RBFOX1: variants seen among roughly 807,000 people sequenced by gnomAD.
RBFOX1 encodes the protein RNA binding protein fox-1 homolog 1.
Under a neutral mutation model 57.7 loss-of-function variants are expected in RBFOX1, and 8 were observed. The ratio of observed to expected loss-of-function variants is 0.14; its 90% CI spans 0.08 to 0.25. The LOEUF (loss-of-function observed/expected upper bound fraction) is 0.25. Ranked by LOEUF, RBFOX1 falls within the 10% of genes least tolerant of loss-of-function variation. The pLI, the probability that RBFOX1 is intolerant of heterozygous loss-of-function variation, is 1.00. For synonymous variants in RBFOX1, 326 were observed against 222.4 expected, an observed-to-expected ratio of 1.47 and a Z score of -4.15; for missense variants, 611 against 548.5, an observed-to-expected ratio of 1.11 and a Z score of -1.14.
At chr16:6,045,046 T>C (rs1234860286) in intron 1 of RBFOX1, among the ~76,000 whole-genome samples, 2 of 152,186 alleles carry the variant, frequency 1.3e-5, no homozygotes, top group Non-Finnish European at 2.9e-5. Context: ...TCTGATTTGA[T>C]TGGTCTTGGA....
intron 2 of RBFOX1, among the ~76,000 whole-genome samples, chr16:6,428,664 A>G (rs375717450): frequency 6.6e-6 from 1 of 152,188 alleles, no homozygotes; most frequent in Non-Finnish European, 1.5e-5. Context: ...TGCTGTTACT[A>G]TTATCTAAAA....
chr16:7,281,110 C>T (rs532208571), intron 4 of RBFOX1, among the ~76,000 whole-genome samples: 120 of 151,842 alleles, frequency 7.9e-4, no homozygotes, highest in East Asian at 2.7e-3. Flanking sequence ...TCAAGCAACT[C>T]TCCTGCCTCA....
chr16:6,924,560 G>A (rs1432391085), intron 3 of RBFOX1, among the ~76,000 whole-genome samples: 1 of 151,972 alleles, frequency 6.6e-6, no homozygotes, highest in East Asian at 1.9e-4. Flanking sequence ...GATTTAGAGA[G>A]GACACATATC....
intron 3 of RBFOX1, among the ~76,000 whole-genome samples, chr16:7,003,758 A>T (rs959003386): frequency 6.6e-6 from 1 of 152,172 alleles, no homozygotes; most frequent in African/African-American, 2.4e-5. Flanking sequence ...CATGATATGC[A>T]CATCAAGTCT....
intron 2 of RBFOX1, among the ~76,000 whole-genome samples, chr16:5,484,633 C>T (rs750218154): frequency 6.6e-6 from 1 of 152,060 alleles, no homozygotes; most frequent in African/African-American, 2.4e-5. Flanking sequence ...TTTAAAATGG[C>T]CGGGTGTGGT....
intron 4 of RBFOX1, among the ~76,000 whole-genome samples, chr16:7,323,819 A>C (rs1047184723): frequency 6.6e-6 from 1 of 152,248 alleles, no homozygotes; most frequent in Non-Finnish European, 1.5e-5. Flanking sequence ...GGAATGAAGA[A>C]GAGAAGAAGC....
chr16:7,156,108 G>A (rs1244811220), intron 4 of RBFOX1, among the ~76,000 whole-genome samples: 1 of 151,932 alleles, frequency 6.6e-6, no homozygotes, highest in Non-Finnish European at 1.5e-5. Context: ...CTGGGCTTAA[G>A]CAATCTGCCC....
intron 3 of RBFOX1, among the ~76,000 whole-genome samples, chr16:6,806,019 C>A (rs778702159): frequency 6.6e-6 from 1 of 152,286 alleles, no homozygotes; most frequent in Non-Finnish European, 1.5e-5. Context: ...GGTATTCATA[C>A]TCAAAATATT....
At position 7,026,280 on chromosome 16, in the gene RBFOX1, G is replaced by A. The variant is rs9934040; in HGVS notation, c.-15-25777G>A. Among the ~76,000 whole-genome samples the A allele has an allele frequency of 5.8e-3, 883 of 152,276 alleles. 17 individuals carry two copies. The highest frequency in any genetic ancestry group is 0.02 in the African/African-American group (829 of 41,558). On this transcript the variant is annotated intron_variant, in intron 3 of 15. Transcript: ENST00000550418. ...CCTTTCCTGCTCCTGACTTGGAGGC[G>A]TGGAGATTGCCACCAGGCCATGTTT... is the stretch of plus-strand genomic sequence containing the variant.
chr16:6,432,949 G>T (rs1303830132), intron 2 of RBFOX1, among the ~76,000 whole-genome samples: 1 of 152,204 alleles, frequency 6.6e-6, no homozygotes, highest in East Asian at 1.9e-4. Flanking sequence ...CTGCACTCCA[G>T]CCTGGGCTAC....
chr16:6,765,166 G>C (rs1447901845), intron 3 of RBFOX1, among the ~76,000 whole-genome samples: 1 of 152,112 alleles, frequency 6.6e-6, no homozygotes, highest in Non-Finnish European at 1.5e-5. Context: ...TACCTTGCAT[G>C]AGGCTCTGAA....
chr16:6,585,446 C>G (rs970383060), intron 2 of RBFOX1, among the ~76,000 whole-genome samples: 1 of 152,206 alleles, frequency 6.6e-6, no homozygotes, highest in South Asian at 2.1e-4. Context: ...TTCTCGGTCC[C>G]CTTTGAATAG....
chr16:5,428,105 G>GGTGTGTGTGT (rs1169073538), intron 1 of RBFOX1, among the ~76,000 whole-genome samples: 2 of 138,086 alleles, frequency 1.4e-5, no homozygotes, highest in Admixed American at 7.8e-5. Context: ...GCTCTGGAAG[G>GGTGTGTGTGT]GTGTGTGTGT....
intron 1 of RBFOX1, among the ~76,000 whole-genome samples, chr16:6,263,105 G>T (rs1179031873): frequency 2.0e-5 from 3 of 152,152 alleles, no homozygotes; most frequent in Non-Finnish European, 4.4e-5. Flanking sequence ...GTGTTTAGGA[G>T]AACACAGAGT....
intron 4 of RBFOX1, among the ~76,000 whole-genome samples, chr16:7,490,270 C>T (rs974680289): frequency 2.6e-5 from 4 of 152,204 alleles, no homozygotes; most frequent in Non-Finnish European, 5.9e-5. Context: ...CTCAGGCGTT[C>T]ATAATAGATA....
chr16:6,288,926 T>C (rs528683197), intron 1 of RBFOX1, among the ~76,000 whole-genome samples: 7 of 152,232 alleles, frequency 4.6e-5, no homozygotes, highest in East Asian at 1.9e-4. Context: ...ATGCTTCTCA[T>C]TGAGATGCTG....
rs754250183 is a variant in RBFOX1 at position 7,659,898 on chromosome 16, T to TTCTC, written c.891-5029_891-5026dup. Reference sequence around the variant, plus strand: ...ATGCCTTTAATAATCTGATTAAAAATTCTCTAGGAAAATACGTACAAACAG... The same window carrying TTCTC: ...ATGCCTTTAATAATCTGATTAAAAATTCTCTCTCTAGGAAAATACGTACAAACAG... On this transcript the variant is annotated intron_variant, in intron 12 of 15. Coordinates refer to ENST00000550418, the MANE Select transcript of RBFOX1 (RefSeq NM_018723.4). Among the ~76,000 whole-genome samples the TTCTC allele has an allele frequency of 2.3e-3, 348 of 152,198 alleles. 1 individual carries two copies. Among genetic ancestry groups the TTCTC allele is most frequent in the Middle Eastern group, 6.8e-3 (2 of 294 alleles).
At chr16:5,465,791 T>A (rs982126132) in intron 1 of RBFOX1, among the ~76,000 whole-genome samples, 4 of 152,262 alleles carry the variant, frequency 2.6e-5, no homozygotes, top group African/African-American at 9.6e-5. Context: ...TGAAGTAGGC[T>A]GAGGAATTTG....
At chr16:5,848,593 A>G (rs528031602) in intron 3 of RBFOX1, among the ~76,000 whole-genome samples, 1 of 152,280 alleles carries the variant, frequency 6.6e-6, no homozygotes, top group African/African-American at 2.4e-5. Flanking sequence ...TGCTCTCAGA[A>G]TAGGTAATGA....
Sources: gnomAD v4.1 joint callset for allele counts (sites outside exome capture counted in the v4.1 genomes callset) on GRCh38, gnomAD v4.1.1 for gene constraint, MANE v1.5 for transcripts, NCBI Gene and HGNC (gene_info 2026-07-23, HGNC 2026-07-21) for gene names.